The following PICALM variants were observed in gnomAD, a reference collection of about 807,000 sequenced individuals.
PICALM encodes phosphatidylinositol-binding clathrin assembly protein.
Under a neutral mutation model 80.5 loss-of-function variants are expected in PICALM, and 40 were observed. The ratio of observed to expected loss-of-function variants is 0.50; its 90% CI spans 0.39 to 0.65. The LOEUF is 0.65. Ranked by LOEUF, PICALM falls within the 30% of genes least tolerant of loss-of-function variation. PICALM has a pLI of 0.00. For missense variants in PICALM, 676 were observed against 778.9 expected, an observed-to-expected ratio of 0.87 and a Z score of 1.57; for synonymous variants, 288 against 260.3, an observed-to-expected ratio of 1.11 and a Z score of -1.02.
chr11:86,009,327 A>C (rs2095347522), intron 7 of PICALM, among the ~76,000 whole-genome samples: 1 of 144,858 alleles, frequency 6.9e-6, no homozygotes, highest in African/African-American at 2.5e-5. Context: ...AAAAAAAGTC[A>C]TATATAGCAG....
intron 2 of PICALM, among the ~76,000 whole-genome samples, chr11:86,029,814 C>T (rs529863420): frequency 6.6e-6 from 1 of 152,262 alleles, no homozygotes; most frequent in African/African-American, 2.4e-5. Flanking sequence ...AAACTATTAT[C>T]CTAGTTAAGA....
At chr11:86,066,090 C>T (rs938585001) in intron 1 of PICALM, among the ~76,000 whole-genome samples, 5 of 152,142 alleles carry the variant, frequency 3.3e-5, no homozygotes, top group Non-Finnish European at 7.4e-5. Flanking sequence ...CAAAAAATTA[C>T]TTGAAATGAC....
chr11:86,050,633 A>T (rs1212373944), intron 1 of PICALM, among the ~76,000 whole-genome samples: 1 of 152,198 alleles, frequency 6.6e-6, no homozygotes, highest in Non-Finnish European at 1.5e-5. Flanking sequence ...AGAGATAAAA[A>T]TAAGGTGAAG....
rs2093562066 is a variant in PICALM at position 85,957,206 on chromosome 11, C to T, written c.*1840G>A. 6.6e-6 allele frequency among the ~76,000 whole-genome samples: 1 copy of T among 152,118 alleles called. No homozygotes were observed. Among genetic ancestry groups the T allele is most frequent in the Non-Finnish European group, 1.5e-5 (1 of 68,012 alleles). On this transcript the variant is annotated 3_prime_UTR_variant, in exon 20 of 20. Transcript: ENST00000393346. ...TGAAAATGGTTTAATAATACTGAAA[C>T]TTAAAAGCTGATAAAATTTATTGGC...
chr11:85,969,025 C>T (rs1565218971), intron 19 of PICALM, among the ~76,000 whole-genome samples: 1 of 150,036 alleles, frequency 6.7e-6, no homozygotes, highest in Non-Finnish European at 1.5e-5. Context: ...TATAGGAATT[C>T]ATAAGTTCAA....
chr11:85,990,502 T>G (rs1340218715), intron 12 of PICALM, 103 bp from the exon 13 acceptor site: 1 of 550,282 alleles, frequency 1.8e-6, no homozygotes, highest in African/African-American at 1.9e-5. Context: ...AACTATATTA[T>G]TGTTTATTAA....
At chr11:86,055,287 G>T (rs550365355) in intron 1 of PICALM, among the ~76,000 whole-genome samples, 2 of 137,652 alleles carry the variant, frequency 1.5e-5, no homozygotes, top group African/African-American at 5.7e-5. Flanking sequence ...CCTAGATCGT[G>T]CCACTGCACT....
At chr11:86,014,473 T>A (rs2095448355) in intron 5 of PICALM, among the ~76,000 whole-genome samples, 1 of 152,246 alleles carries the variant, frequency 6.6e-6, no homozygotes, top group Non-Finnish European at 1.5e-5. Context: ...TAACTGCTAT[T>A]TAAACTTCTT....
At chr11:86,010,221 T>C (rs2095367834) in intron 7 of PICALM, among the ~76,000 whole-genome samples, 1 of 152,166 alleles carries the variant, frequency 6.6e-6, no homozygotes, top group Non-Finnish European at 1.5e-5. Flanking sequence ...TTTCAGAAAA[T>C]TATTTTTAAG....
intron 1 of PICALM, among the ~76,000 whole-genome samples, chr11:86,044,246 C>T (rs2096027742): frequency 6.6e-6 from 1 of 152,084 alleles, no homozygotes; most frequent in African/African-American, 2.4e-5. Context: ...AGGAAGGAGC[C>T]CCACATAAAA....
chr11:85,996,770 C>T, intron 12 of PICALM, 56 bp downstream of exon 12: 3 of 1,007,708 alleles, frequency 3.0e-6, no homozygotes, highest in South Asian at 1.3e-5. Flanking sequence ...GTAAACACCA[C>T]AGAATGAGGA....
chr11:85,961,045 T>C (rs1409887376), intron 19 of PICALM, among the ~76,000 whole-genome samples: 1 of 140,030 alleles, frequency 7.1e-6, no homozygotes, highest in East Asian at 2.1e-4. Context: ...AAAAGGTCGA[T>C]ATAAGCTGAC....
At chr11:85,990,189 C>T (rs889597194) in intron 13 of PICALM, 61 bp downstream of exon 13, 29 of 897,192 alleles carry the variant, frequency 3.2e-5, no homozygotes, top group African/African-American at 5.0e-5. Context: ...TTAATGGACA[C>T]GTAAAATATA....
rs558787770 is a variant in PICALM at position 86,014,477 on chromosome 11, ACTT to A, written c.546+390_546+392del. On this transcript the variant is annotated intron_variant, in intron 5 of 19. Coordinates refer to ENST00000393346, the MANE Select transcript of PICALM (RefSeq NM_007166.4). The stretch of plus-strand genomic sequence containing the variant: ...ATAAGCTATTATAACTGCTATTTAA[ACTT>A]CTTCTTCTGAATAATTGCCATGCTT... Among the ~76,000 whole-genome samples, 31 of 152,348 alleles carry A rather than the reference ACTT, an allele frequency of 2.0e-4. No individual in the cohort carries two copies. In the South Asian group the frequency reaches 5.6e-3, roughly 27 times the overall value.
At chr11:85,967,951 A>G (rs1353403884) in intron 19 of PICALM, among the ~76,000 whole-genome samples, 1 of 152,142 alleles carries the variant, frequency 6.6e-6, no homozygotes, top group Non-Finnish European at 1.5e-5. Context: ...ACAACAAAAA[A>G]CAGCAGCCAT....
chr11:85,981,362 T>C, intron 16 of PICALM, 134 bp from the exon 17 acceptor site: 1 of 601,874 alleles, frequency 1.7e-6, no homozygotes, highest in Non-Finnish European at 2.9e-6. Context: ...TCCCAGCACT[T>C]TGGGAGGCCA....
intron 2 of PICALM, among the ~76,000 whole-genome samples, chr11:86,027,850 C>A (rs1395943931): frequency 6.6e-6 from 1 of 152,014 alleles, no homozygotes; most frequent in Non-Finnish European, 1.5e-5. Context: ...ACTGAGATCA[C>A]CCCAAACTAA....
At chr11:86,013,949 C>G (rs757859152) in intron 5 of PICALM, among the ~76,000 whole-genome samples, 5 of 152,186 alleles carry the variant, frequency 3.3e-5, no homozygotes, top group Non-Finnish European at 5.9e-5. Flanking sequence ...GTTGGAATTT[C>G]ATGTAACTTC....
intron 2 of PICALM, among the ~76,000 whole-genome samples, chr11:86,028,347 A>G (rs756518503): frequency 2.0e-5 from 3 of 152,238 alleles, no homozygotes; most frequent in Non-Finnish European, 4.4e-5. Context: ...GATTAGGTAC[A>G]TAAGCATTTG....
Sources: allele counts gnomAD v4.1 joint callset (sites outside exome capture counted in the v4.1 genomes callset), GRCh38; gene constraint gnomAD v4.1.1; transcripts MANE v1.5; gene names NCBI Gene and HGNC (gene_info 2026-07-23, HGNC 2026-07-21).